Variants in ATL2 observed in about 807,000 individuals in gnomAD.
ATL2 encodes the protein atlastin-2.
Under a neutral mutation model 73.9 loss-of-function variants are expected in ATL2, and 31 were observed. The observed-to-expected ratio is 0.42, with a 90% CI of 0.32 to 0.57. The LOEUF is 0.57. Among genes scored for constraint, ATL2 ranks in the 20% least tolerant of loss-of-function variants. ATL2 has a pLI of 0.14. For synonymous variants in ATL2, 291 were observed against 237.5 expected (o/e 1.23, Z -2.07); for missense variants, 738 against 702.6 (o/e 1.05, Z -0.57).
intron 7 of ATL2, among the ~76,000 whole-genome samples, chr2:38,311,985 T>G (rs972148439): frequency 7.2e-5 from 11 of 152,164 alleles, no homozygotes; most frequent in African/African-American, 2.7e-4. Flanking sequence ...AATCTAAGAA[T>G]GTTGAATTGG....
At chr2:38,354,749 G>C (rs1258581216) in intron 1 of ATL2, among the ~76,000 whole-genome samples, 2 of 152,080 alleles carry the variant, frequency 1.3e-5, no homozygotes, top group Non-Finnish European at 2.9e-5. Flanking sequence ...AATTAGCCAG[G>C]TGTGGTGGCA....
chr2:38,313,145 T>A lies in ATL2; in HGVS notation c.804+6A>T, dbSNP rs1435097698. The A allele has an allele frequency of 6.2e-7, 1 of 1,603,930 alleles. No homozygotes were observed. Among genetic ancestry groups the A allele is most frequent in the Non-Finnish European group, 8.5e-7 (1 of 1,171,672 alleles). On this transcript the variant is annotated splice_donor_region_variant and intron_variant, in intron 7 of 12. Coordinates refer to ENST00000378954, the MANE Select transcript of ATL2 (RefSeq NM_001135673.4). ...ATGTTCTCCTCTTTAAGCATTAGGG[T>A]CTTACCTGTAATCTCTTTTCAAGAA...
intron 1 of ATL2, among the ~76,000 whole-genome samples, chr2:38,375,914 T>G (rs969480695): frequency 3.3e-5 from 5 of 152,200 alleles, no homozygotes; most frequent in African/African-American, 1.2e-4. Context: ...TCATCACCTC[T>G]GACATGCGCC....
Position 38,299,306 on chromosome 2 carries a change from G to A in ATL2, c.1150C>T (p.Leu384Phe). The A allele has an allele frequency of 6.6e-7, 1 of 1,511,510 alleles. No homozygotes were observed. The allele number at this position is 1,511,510 out of a possible 1,614,324, so 93.6% of individuals were successfully genotyped here. Residue 384 changes from leucine (L) to phenylalanine (F), a missense_variant, in exon 11 of 13, where the codon CTT becomes TTT. Leu to Phe is a conservative substitution (Grantham distance 22). Transcript: ENST00000378954. The part of the protein sequence containing the change: ...MLQATAEANN[L>F]AAVAGARDTY... ...TCTCTTGCTCCTGCTACTGCAGCAA[G>A]ATTATTAGCTTCAGCTGTTGCCTAA...
intron 9 of ATL2, 117 bp downstream of exon 9, chr2:38,309,262 C>A: frequency 9.8e-7 from 1 of 1,015,486 alleles, no homozygotes; most frequent in African/African-American, 1.7e-5. Flanking sequence ...AAAGATAAAT[C>A]ACAAATCTTA....
intron 2 of ATL2, among the ~76,000 whole-genome samples, chr2:38,342,316 T>A (rs1334755464): frequency 6.6e-6 from 1 of 151,902 alleles, no homozygotes; most frequent in African/African-American, 2.4e-5. Flanking sequence ...GAGATTAAAG[T>A]AGCCAGAAAA....
intron 1 of ATL2, among the ~76,000 whole-genome samples, chr2:38,356,739 T>A (rs1457899788): frequency 6.6e-6 from 1 of 152,214 alleles, no homozygotes; most frequent in African/African-American, 2.4e-5. Flanking sequence ...TAAATAAAAT[T>A]AAATAAAACT....
At position 38,296,097 on chromosome 2, in the gene ATL2, C is replaced by T. The variant is rs1666879381; in HGVS notation, c.1649G>A (p.Gly550Asp). ...TATGTTTTCCTCCATCAAATTATCACCCAGGGGCTTCAATACCTGTGGTAT... is the reference window on the plus strand; with the variant it reads ...TATGTTTTCCTCCATCAAATTATCATCCAGGGGCTTCAATACCTGTGGTAT... ...TLWEQVLKPL[G>D]DNLMEENIRQ... Residue 550 changes from glycine to aspartate, a missense_variant, in exon 13 of 13, where the codon GGT becomes GAT. By Grantham distance (94) the Gly-to-Asp change is moderately conservative (BLOSUM62 -1). Coordinates refer to ENST00000378954, the MANE Select transcript of ATL2 (RefSeq NM_001135673.4). 1.9e-6 allele frequency: 3 copies of T among 1,551,072 alleles called. No homozygotes were observed. Among genetic ancestry groups the T allele is most frequent in the South Asian group, 1.2e-5 (1 of 83,998 alleles).
At chr2:38,377,987 C>G (rs181769381), upstream of ATL2, among the ~76,000 whole-genome samples, 340 of 152,298 alleles carry the variant, frequency 2.2e-3, no homozygotes, top group African/African-American at 7.9e-3. Flanking sequence ...CCAGAAAGCA[C>G]TCTAATCGGA....
At chr2:38,325,691 C>CACCA (rs1668589901) in intron 2 of ATL2, among the ~76,000 whole-genome samples, 2 of 61,280 alleles carry the variant, frequency 3.3e-5, no homozygotes, top group African/African-American at 1.7e-4. Flanking sequence ...CACACACACA[C>CACCA]ACACCAGTAC....
At chr2:38,350,617 T>C (rs1370322455) in intron 1 of ATL2, among the ~76,000 whole-genome samples, 1 of 152,146 alleles carries the variant, frequency 6.6e-6, no homozygotes, top group African/African-American at 2.4e-5. Flanking sequence ...TGGATGATAA[T>C]GATGTGTTAG....
chr2:38,325,661 TACACACACAC>T lies in ATL2; in HGVS notation c.364-6652_364-6643del, dbSNP rs562138786. Among the ~76,000 whole-genome samples, 217 of 41,694 alleles carry T rather than the reference TACACACACAC, an allele frequency of 5.2e-3. 6 individuals are homozygous for T. The highest frequency in any genetic ancestry group is 0.023 in the Middle Eastern group (1 of 44). The allele number at this position is 41,694 out of a possible 152,430, so 27.4% of individuals were successfully genotyped here. A position where few individuals can be genotyped will look rare whatever the true frequency, so the allele number is the denominator to read the frequency against. Reference sequence around the variant, plus strand: ...ACACACACACACACACACACACCAGTACACACACACACACACACACACACACACACACACC... The same window carrying T: ...ACACACACACACACACACACACCAGTACACACACACACACACACACACACC... On this transcript the variant is annotated intron_variant, in intron 2 of 12. Coordinates refer to ENST00000378954, the MANE Select transcript of ATL2 (RefSeq NM_001135673.4).
intron 1 of ATL2, among the ~76,000 whole-genome samples, chr2:38,347,685 T>C (rs1359421193): frequency 6.6e-6 from 1 of 151,870 alleles, no homozygotes; most frequent in Non-Finnish European, 1.5e-5. Context: ...GCCTGACACC[T>C]AGCCTAGCAG....
chr2:38,360,128 CAAAAAAAAAA>C (rs755582696), intron 1 of ATL2, among the ~76,000 whole-genome samples: 13 of 81,960 alleles, frequency 1.6e-4, no homozygotes, highest in East Asian at 3.7e-4. Flanking sequence ...GGCTCCATTT[CAAAAAAAAAA>C]AAAAAAAAAA....
At chr2:38,336,828 G>C (rs1669382671) in intron 2 of ATL2, among the ~76,000 whole-genome samples, 1 of 152,186 alleles carries the variant, frequency 6.6e-6, no homozygotes. Context: ...AAAATACCAA[G>C]AATTCAGTAA....
In ATL2 at chr2:38,294,125, T is replaced by C. The variant is rs1434189317; in HGVS notation, c.*1869A>G. On this transcript the variant is annotated 3_prime_UTR_variant, in exon 13 of 13. Transcript: ENST00000378954. ...AAGAACAGATAAGTTAGCAATTTAA[T>C]ACAGATGAAAACAAATACAATCCAT... 2.6e-5 allele frequency among the ~76,000 whole-genome samples: 4 copies of C among 152,330 alleles called. No individual in the cohort carries two copies. The highest frequency in any genetic ancestry group is 1.9e-4 in the East Asian group (1 of 5,186).
rs576395175 is a variant in ATL2 at position 38,323,465 on chromosome 2, A to T, written c.364-4446T>A. Among the ~76,000 whole-genome samples the T allele has an allele frequency of 1.4e-3, 215 of 150,446 alleles. 1 individual carries two copies. Among genetic ancestry groups the T allele is most frequent in the African/African-American group, 5.2e-3 (211 of 40,736 alleles). On this transcript the variant is annotated intron_variant, in intron 2 of 12. Coordinates refer to ENST00000378954, the MANE Select transcript of ATL2 (RefSeq NM_001135673.4). ...CCCACCTCAGCACCTCAGCCTCTCA[A>T]AGTGCTGGGATTACAAGCATGAGCC...
chr2:38,330,247 G>C (rs1573499506), intron 2 of ATL2, among the ~76,000 whole-genome samples: 2 of 143,540 alleles, frequency 1.4e-5, no homozygotes, highest in Non-Finnish European at 3.0e-5. Flanking sequence ...CAGCACACTA[G>C]GAATAAAGAA....
chr2:38,373,094 G>A (rs139783820), intron 1 of ATL2, among the ~76,000 whole-genome samples: 1 of 152,016 alleles, frequency 6.6e-6, no homozygotes, highest in African/African-American at 2.4e-5. Flanking sequence ...TGTTTCCCAC[G>A]ACAGCCTTGT....
Sources: allele counts gnomAD v4.1 joint callset (sites outside exome capture counted in the v4.1 genomes callset), GRCh38; gene constraint gnomAD v4.1.1; transcripts MANE v1.5; gene names NCBI Gene and HGNC (gene_info 2026-07-23, HGNC 2026-07-21).